HORMAD2: variants seen among roughly 807,000 people sequenced by gnomAD.
The protein encoded by HORMAD2 is HORMA domain containing 2.
Under a neutral mutation model 38.8 loss-of-function variants are expected in HORMAD2, and 45 were observed. That is an observed-to-expected ratio of 1.16 (90% CI 0.91 to 1.49). The LOEUF is 1.49. Among genes scored for constraint, HORMAD2 ranks in the 40% most tolerant of loss-of-function variants. HORMAD2 has a pLI of 0.00. For missense variants in HORMAD2, 338 were observed against 367.0 expected (o/e 0.92, Z 0.65); for synonymous variants, 126 against 122.8 (o/e 1.03, Z -0.17).
At chr22:30,103,560 C>T in intron 4 of HORMAD2, 60 bp downstream of exon 4, 1 of 773,716 alleles carries the variant, frequency 1.3e-6, no homozygotes. Context: ...GCTGAAATTA[C>T]CCATAAGACT....
At chr22:30,195,279 T>C in the HORMAD2 span, among the ~76,000 whole-genome samples, 722 of 152,130 alleles carry the variant, frequency 4.7e-3, 8 homozygotes, top group African/African-American at 0.016. Context: ...AAAATAGTTA[T>C]GAGCTAGCAT....
chr22:30,112,493 C>T lies in HORMAD2; in HGVS notation c.316-3C>T. The T allele has an allele frequency of 7.2e-7, 1 of 1,394,050 alleles. No homozygotes were observed. Among genetic ancestry groups the T allele is most frequent in the South Asian group, 1.4e-5 (1 of 73,366 alleles). 86.4% of individuals were successfully genotyped at this position (1,394,050 alleles called of 1,614,324 possible). ...TAAATGATGTTTATTTTCCCTTATA[C>T]AGCTTTACACAGATCCCATGGGATC... On this transcript the variant is annotated splice_region_variant and splice_polypyrimidine_tract_variant and intron_variant, in intron 6 of 10. Transcript: ENST00000336726.
rs10712471 is a variant in HORMAD2, at chr22:30,110,383, C to CTT, written c.295-1394_295-1393dup. 2.6e-3 allele frequency among the ~76,000 whole-genome samples: 264 copies of CTT among 103,316 alleles called. 1 individual carries two copies. Among genetic ancestry groups the CTT allele is most frequent in the Non-Finnish European group, 3.8e-3 (205 of 54,394 alleles). 67.8% of individuals were successfully genotyped at this position (103,316 alleles called of 152,430 possible). A position where few individuals can be genotyped will look rare whatever the true frequency, so the allele number is the denominator to read the frequency against. On this transcript the variant is annotated intron_variant, in intron 5 of 10. Coordinates refer to ENST00000336726, the MANE Select transcript of HORMAD2 (RefSeq NM_152510.4). Reference sequence around the variant, plus strand: ...ATTGCTATCGAATTGTGAGCATATACTTTTTTTTTTTTTTTTTTTTGAGAT... The same window carrying CTT: ...ATTGCTATCGAATTGTGAGCATATACTTTTTTTTTTTTTTTTTTTTTTGAGAT...
chr22:30,078,647 G>A (rs13054705), upstream of HORMAD2, among the ~76,000 whole-genome samples: 926 of 123,254 alleles, frequency 7.5e-3, 10 homozygotes, highest in Admixed American at 0.025. Context: ...ATTAGATTGA[G>A]AGAAATTCTA....
At chr22:30,141,084 G>GCCT (rs913990831) in intron 10 of HORMAD2, among the ~76,000 whole-genome samples, 2 of 152,004 alleles carry the variant, frequency 1.3e-5, no homozygotes, top group Admixed American at 6.6e-5. Context: ...TGCAACCTCT[G>GCCT]CCTCCTGGGT....
intron 10 of HORMAD2, among the ~76,000 whole-genome samples, chr22:30,171,215 G>C (rs1046334625): frequency 1.3e-5 from 2 of 152,004 alleles, no homozygotes; most frequent in Non-Finnish European, 2.9e-5. Flanking sequence ...GTTATCCTCC[G>C]TATGCTTATG....
intron 7 of HORMAD2, among the ~76,000 whole-genome samples, chr22:30,118,298 C>T (rs1489067241): frequency 2.0e-5 from 3 of 152,056 alleles, no homozygotes; most frequent in African/African-American, 7.2e-5. Flanking sequence ...GGCATCCCTC[C>T]CCACTTCAGA....
At chr22:30,205,610 G>A in the HORMAD2 span, among the ~76,000 whole-genome samples, 371 of 152,282 alleles carry the variant, frequency 2.4e-3, 2 homozygotes, top group African/African-American at 7.9e-3. Context: ...GGGCTGAGCC[G>A]GGGTCATTTG....
chr22:30,191,177 AAGAAGC>A, the HORMAD2 span, among the ~76,000 whole-genome samples: 5 of 152,190 alleles, frequency 3.3e-5, no homozygotes, highest in Non-Finnish European at 5.9e-5. Context: ...ACTCATGAAG[AAGAAGC>A]CAACTCCAGA....
chr22:30,201,731 A>G, the HORMAD2 span, among the ~76,000 whole-genome samples: 4 of 151,986 alleles, frequency 2.6e-5, no homozygotes, highest in East Asian at 7.7e-4. Context: ...AGACTTTAAC[A>G]TACCTTTTCG....
At chr22:30,110,186 T>A (rs1417252998) in intron 5 of HORMAD2, among the ~76,000 whole-genome samples, 1 of 152,142 alleles carries the variant, frequency 6.6e-6, no homozygotes, top group Non-Finnish European at 1.5e-5. Flanking sequence ...TTGAACTCAT[T>A]ACACATTATA....
the HORMAD2 span, chr22:30,192,129 A>G: frequency 1.3e-5 from 2 of 152,314 alleles, no homozygotes; most frequent in Non-Finnish European, 2.9e-5. Context: ...CTCAATGTAC[A>G]TACCTTCTTG....
chr22:30,093,872 T>G, intron 1 of HORMAD2, 44 bp from the exon 2 acceptor site: 1 of 947,394 alleles, frequency 1.1e-6, no homozygotes, highest in Non-Finnish European at 1.6e-6. Context: ...AGAGGAAGCA[T>G]TATATTTGGC....
At chr22:30,148,978 C>T (rs6006380) in intron 10 of HORMAD2, among the ~76,000 whole-genome samples, 163 of 149,550 alleles carry the variant, frequency 1.1e-3, no homozygotes, top group African/African-American at 3.6e-3. Context: ...GACTCCGTCT[C>T]GAAAAAAAAA....
chr22:30,113,981 G>A (rs1921855973), intron 7 of HORMAD2, among the ~76,000 whole-genome samples: 1 of 152,134 alleles, frequency 6.6e-6, no homozygotes, highest in Non-Finnish European at 1.5e-5. Flanking sequence ...AAAACCTTCT[G>A]ATAGTTACTA....
intron 6 of HORMAD2, 63 bp from the exon 7 acceptor site, chr22:30,112,433 A>G: frequency 3.8e-6 from 3 of 779,322 alleles, no homozygotes; most frequent in Non-Finnish European, 6.4e-6. Context: ...TAAAAAAGGT[A>G]TTTGATGAGG....
intron 5 of HORMAD2, among the ~76,000 whole-genome samples, chr22:30,108,731 A>C (rs1921397894): frequency 6.6e-6 from 1 of 152,172 alleles, no homozygotes; most frequent in Non-Finnish European, 1.5e-5. Flanking sequence ...GCTAGTCTAA[A>C]TGTTCCCTGA....
chr22:30,176,211 TTG>T lies in HORMAD2; in HGVS notation c.*46_*47del. ...ACATTTATTTTAAAATAAGTTTATT[TTG>T]TAAAAACATGCATAAACTGTCTTAG... On this transcript the variant is annotated 3_prime_UTR_variant, in exon 11 of 11. Coordinates refer to ENST00000336726, the MANE Select transcript of HORMAD2 (RefSeq NM_152510.4). 2 of 1,302,340 alleles carry T rather than the reference TTG, an allele frequency of 1.5e-6. No homozygotes were observed. Among genetic ancestry groups the T allele is most frequent in the Non-Finnish European group, 2.2e-6 (2 of 913,854 alleles). The allele number at this position is 1,302,340 out of a possible 1,614,324, so 80.7% of individuals were successfully genotyped here.
chr22:30,181,897 G>A (rs1926736409), downstream of HORMAD2, among the ~76,000 whole-genome samples: 2 of 152,220 alleles, frequency 1.3e-5, no homozygotes, highest in Non-Finnish European at 2.9e-5. Context: ...CTTATCACCG[G>A]AAGTGTTCAA....
Sources: allele counts gnomAD v4.1 joint callset (sites outside exome capture counted in the v4.1 genomes callset), GRCh38; gene constraint gnomAD v4.1.1; transcripts MANE v1.5; gene names NCBI Gene and HGNC (gene_info 2026-07-23, HGNC 2026-07-21).